The following PHF10 variants were observed in gnomAD, a reference collection of about 807,000 sequenced individuals.
PHF10 encodes the protein BRG1-associated factor 45a.
A neutral mutation model predicts 68.5 loss-of-function variants in PHF10; 51 were observed. The observed-to-expected ratio is 0.74, with a 90% CI of 0.59 to 0.94. PHF10 has a LOEUF of 0.94. Among genes scored for constraint, PHF10 ranks in the 40% least tolerant of loss-of-function variants. The pLI is 0.00. For missense variants in PHF10, 460 were observed against 602.6 expected, an observed-to-expected ratio of 0.76 and a Z score of 2.48; for synonymous variants, 204 against 203.5, an observed-to-expected ratio of 1.00 and a Z score of -0.02.
In PHF10 at chr6:169,715,877, T is replaced by C. The variant is rs1341029666; in HGVS notation, c.544-20A>G. ...CATTTGCTGGAAAAAAAAAATACAG[T>C]TGGAAGTCACATATAACTTTCTAAA... is the stretch of plus-strand genomic sequence containing the variant. On this transcript the variant is annotated intron_variant, in intron 5 of 11. Coordinates refer to ENST00000339209, the MANE Select transcript of PHF10 (RefSeq NM_018288.4). 1.2e-6 allele frequency: 2 copies of C among 1,604,004 alleles called. No homozygotes were observed. The highest frequency in any genetic ancestry group is 1.7e-6 in the Non-Finnish European group (2 of 1,175,524).
intron 2 of PHF10, among the ~76,000 whole-genome samples, chr6:169,720,138 C>T (rs1789142594): frequency 6.6e-6 from 1 of 151,980 alleles, no homozygotes; most frequent in African/African-American, 2.4e-5. Flanking sequence ...TTTAGGGTAA[C>T]TATTATTTTA....
intron 9 of PHF10, among the ~76,000 whole-genome samples, chr6:169,706,749 C>T (rs965702930): frequency 3.2e-4 from 48 of 149,514 alleles, no homozygotes; most frequent in South Asian, 8.6e-4. Context: ...CACACACACA[C>T]ACACACACAC....
At chr6:169,706,444 C>T (rs1333992778) in intron 9 of PHF10, among the ~76,000 whole-genome samples, 2 of 152,096 alleles carry the variant, frequency 1.3e-5, no homozygotes, top group Middle Eastern at 3.4e-3. Context: ...AAAAAATACA[C>T]GAACACTCTG....
Position 169,710,462 on chromosome 6 carries a change from A to G in PHF10, c.958-71T>C, listed in dbSNP as rs879040257. On this transcript the variant is annotated intron_variant, in intron 8 of 11. Transcript: ENST00000339209. Reference sequence around the variant, plus strand: ...AATTTGAGTCTGGATTTTGAAAACTATGGAAAATATTCAAAGAAAGTTTTA... The same window carrying G: ...AATTTGAGTCTGGATTTTGAAAACTGTGGAAAATATTCAAAGAAAGTTTTA... 4.2e-5 allele frequency: 44 copies of G among 1,050,058 alleles called. 1 individual carries two copies. In the South Asian group the frequency reaches 5.0e-4, roughly 12 times the overall value. 65.0% of individuals were successfully genotyped at this position (1,050,058 alleles called of 1,614,324 possible). A position where few individuals can be genotyped will look rare whatever the true frequency, so the allele number is the denominator to read the frequency against.
chr6:169,723,865 G>A lies in PHF10; in HGVS notation c.67C>T (p.Pro23Ser). Residue 23 changes from proline to serine, a missense_variant, in exon 1 of 12, where the codon CCC becomes TCC. Coordinates refer to ENST00000339209, the MANE Select transcript of PHF10 (RefSeq NM_018288.4). The stretch of plus-strand genomic sequence containing the variant: ...CTCACCTTCGGGGACTGCGCTCCGG[G>A]GGTGGCTGGGTCGCTGTCGCACGGC... ...PRPCDSDPATPGAQSPKDDNE... is the reference protein window; with the variant it reads ...PRPCDSDPATSGAQSPKDDNE... 1.0e-5 allele frequency: 11 copies of A among 1,096,710 alleles called. No homozygotes were observed. The highest frequency in any genetic ancestry group is 1.7e-5 in the African/African-American group (1 of 60,032). 67.9% of individuals were successfully genotyped at this position (1,096,710 alleles called of 1,614,324 possible). A position where few individuals can be genotyped will look rare whatever the true frequency, so the allele number is the denominator to read the frequency against.
intron 2 of PHF10, 176 bp from the exon 3 acceptor site, chr6:169,719,094 C>G (rs1670045100): frequency 3.9e-6 from 2 of 512,680 alleles, no homozygotes; most frequent in Non-Finnish European, 6.9e-6. Context: ...AAATAATTAT[C>G]TGGTCTACCA....
rs760749873 is a variant in PHF10, at chr6:169,712,357, T to C, written c.957+29A>G. 3.1e-5 allele frequency: 50 copies of C among 1,594,748 alleles called. No individual in the cohort carries two copies. The South Asian group carries it at 4.8e-4, about 15-fold the overall frequency. Reference sequence around the variant, plus strand: ...AACAAAAATTCAAAGAGAAAGGAAATGCTTCCTACTAGAGAGAAATGTTCT... The same window carrying C: ...AACAAAAATTCAAAGAGAAAGGAAACGCTTCCTACTAGAGAGAAATGTTCT... On this transcript the variant is annotated intron_variant, in intron 8 of 11. Transcript: ENST00000339209.
intron 8 of PHF10, among the ~76,000 whole-genome samples, chr6:169,711,496 C>T (rs1012198512): frequency 6.6e-6 from 1 of 152,070 alleles, no homozygotes; most frequent in Non-Finnish European, 1.5e-5. Context: ...TACTATGGAA[C>T]TTAAATTGGT....
intron 1 of PHF10, among the ~76,000 whole-genome samples, chr6:169,721,320 A>G (rs1298717456): frequency 1.3e-5 from 2 of 152,236 alleles, no homozygotes; most frequent in Admixed American, 6.5e-5. Flanking sequence ...AACATTTTCA[A>G]TGAACCCGTA....
chr6:169,718,783 A>G lies in PHF10; in HGVS notation c.325+5T>C, dbSNP rs774770088. 46 of 1,500,056 alleles carry G rather than the reference A, an allele frequency of 3.1e-5. No individual in the cohort carries two copies. The highest frequency in any genetic ancestry group is 4.1e-5 in the African/African-American group (3 of 72,298). The allele number at this position is 1,500,056 out of a possible 1,614,324, so 92.9% of individuals were successfully genotyped here. ...TATAAATTAATCTATTATATAAACT[A>G]GTACCTGGATATTTCCTTTTAAAGG... On this transcript the variant is annotated splice_donor_5th_base_variant and intron_variant, in intron 3 of 11. Transcript: ENST00000339209.
At position 169,704,092 on chromosome 6, in the gene PHF10, G is replaced by A. The variant is rs1428271848; in HGVS notation, c.1412-4C>T. On this transcript the variant is annotated splice_polypyrimidine_tract_variant and splice_region_variant and intron_variant, in intron 11 of 11. Transcript: ENST00000339209. Reference sequence around the variant, plus strand: ...CAACAGTCACAAATCCAGCGACCTAGGAAAAAAATTGTTAATATAGAATGA... The same window carrying A: ...CAACAGTCACAAATCCAGCGACCTAAGAAAAAAATTGTTAATATAGAATGA... 1 of 1,571,554 alleles carries A rather than the reference G, an allele frequency of 6.4e-7. No homozygotes were observed. Among genetic ancestry groups the A allele is most frequent in the Non-Finnish European group, 8.6e-7 (1 of 1,167,810 alleles).
At chr6:169,705,053 A>G (rs1788730421) in intron 11 of PHF10, 80 bp downstream of exon 11, 1 of 1,042,012 alleles carries the variant, frequency 9.6e-7, no homozygotes, top group Non-Finnish European at 1.4e-6. Flanking sequence ...TCATGTCATG[A>G]TAGCGTTTAT....
rs1309845535 is a variant in PHF10, at chr6:169,723,983, GGCCGCCGCCGCCGCT to G, written c.-67_-53del. ...GCCGCCGTCGCCTCCGCCTTGTCCC[GGCCGCCGCCGCCGCT>G]GCCGCCGCCGCCGCCGCCGCCGCCG... On this transcript the variant is annotated 5_prime_UTR_variant, in exon 1 of 12. Coordinates refer to ENST00000339209, the MANE Select transcript of PHF10 (RefSeq NM_018288.4). 2.1e-4 allele frequency: 108 copies of G among 507,268 alleles called. No individual in the cohort carries two copies. Among genetic ancestry groups the G allele is most frequent in the African/African-American group, 1.7e-3 (77 of 45,500 alleles). The allele number at this position is 507,268 out of a possible 1,614,324, so 31.4% of individuals were successfully genotyped here. A position where few individuals can be genotyped will look rare whatever the true frequency, so the allele number is the denominator to read the frequency against.
intron 7 of PHF10, among the ~76,000 whole-genome samples, chr6:169,714,491 G>C (rs549283578): frequency 5.4e-4 from 83 of 152,302 alleles, no homozygotes; most frequent in Non-Finnish European, 1.0e-3. Flanking sequence ...CCCAGCATCT[G>C]TCTCTAACAA....
chr6:169,723,581 G>C (rs115982368), intron 1 of PHF10, among the ~76,000 whole-genome samples: 1,868 of 152,262 alleles, frequency 0.012, 42 homozygotes, highest in African/African-American at 0.042. Context: ...GAGGCGTTTT[G>C]GGGACAAGCT....
chr6:169,717,635 CAT>C (rs1228122619), intron 4 of PHF10, 186 bp downstream of exon 4: 7 of 499,922 alleles, frequency 1.4e-5, no homozygotes, highest in African/African-American at 8.0e-5. Flanking sequence ...TCAGGAACCA[CAT>C]GTGTGTTCAA....
chr6:169,715,794 C>T lies in PHF10; in HGVS notation c.607G>A (p.Ala203Thr). 1 of 1,613,670 alleles carries T rather than the reference C, an allele frequency of 6.2e-7. No homozygotes were observed. The change falls in exon 6 of 12, where the codon GCT becomes ACT. Residue 203 changes from alanine to threonine, a missense_variant. Ala to Thr is a moderately conservative substitution (Grantham distance 58, BLOSUM62 0). Transcript: ENST00000339209. Reference protein sequence around the residue: ...ASKVPEYIKKAAKKAAEFNSN... With the variant: ...ASKVPEYIKKTAKKAAEFNSN... ...TTAAATTCTGCTGCTTTTTTGGCAG[C>T]TTTCTTAATATACTCAGGCACTTTA...
intron 9 of PHF10, 116 bp from the exon 10 acceptor site, chr6:169,705,840 C>G: frequency 1.5e-6 from 1 of 662,034 alleles, no homozygotes; most frequent in Non-Finnish European, 2.8e-6. Context: ...TAATGAGGAC[C>G]ATTTTGAAAG....
chr6:169,723,740 C>A, intron 1 of PHF10, 105 bp downstream of exon 1: 1 of 314,066 alleles, frequency 3.2e-6, no homozygotes, highest in Non-Finnish European at 4.9e-6. Flanking sequence ...CGGCCTGGGC[C>A]CACGCCCCCG....
Sources: allele counts gnomAD v4.1 joint callset (sites outside exome capture counted in the v4.1 genomes callset), GRCh38; gene constraint gnomAD v4.1.1; transcripts MANE v1.5; gene names NCBI Gene and HGNC (gene_info 2026-07-23, HGNC 2026-07-21).